The following RGPD3 variants were observed in gnomAD, a reference collection of about 807,000 sequenced individuals.
RGPD3 encodes the protein ranBP2-like and GRIP domain-containing protein 3.
RGPD3 carries 62 observed loss-of-function variants against 154.5 expected under a neutral mutation model. That is an observed-to-expected ratio of 0.40 (90% CI 0.33 to 0.50). RGPD3 has a LOEUF of 0.50. Among genes scored for constraint, RGPD3 ranks in the 20% least tolerant of loss-of-function variants. The pLI, the probability that RGPD3 is intolerant of heterozygous loss-of-function variation, is 0.59. For missense variants in RGPD3, 919 were observed against 1,716.8 expected (o/e 0.54, Z 8.21); for synonymous variants, 308 against 607.0 (o/e 0.51, Z 7.24).
intron 3 of RGPD3, 137 bp from the exon 4 acceptor site, chr2:106,457,260 C>G (rs536280633): frequency 1.4e-6 from 2 of 1,435,904 alleles, no homozygotes; most frequent in Non-Finnish European, 1.8e-6. Flanking sequence ...CTGGAGAAAA[C>G]ATATTACTTC....
At chr2:106,470,419 G>C (rs1678784826), upstream of RGPD3, among the ~76,000 whole-genome samples, 1 of 152,132 alleles carries the variant, frequency 6.6e-6, no homozygotes, top group Admixed American at 6.5e-5. Flanking sequence ...GTCTCTCAGA[G>C]ATGAGGCTTT....
intron 4 of RGPD3, among the ~76,000 whole-genome samples, chr2:106,455,151 G>A (rs1349207642): frequency 2.6e-5 from 4 of 152,300 alleles, no homozygotes; most frequent in African/African-American, 9.6e-5. Flanking sequence ...ATGGGCGACA[G>A]AGCAAGACTC....
At chr2:106,462,733 C>A (rs1678441829) in intron 1 of RGPD3, among the ~76,000 whole-genome samples, 1 of 151,990 alleles carries the variant, frequency 6.6e-6, no homozygotes, top group South Asian at 2.1e-4. Context: ...ACCCATCTTG[C>A]ACAGTCAAAT....
upstream of RGPD3, among the ~76,000 whole-genome samples, chr2:106,470,519 T>C (rs1678787387): frequency 5.3e-5 from 8 of 152,192 alleles, no homozygotes; most frequent in South Asian, 1.7e-3. Context: ...GTCATGAGTC[T>C]TTCTTAAATT....
rs575919688 is a variant in RGPD3 at position 106,415,887 on chromosome 2, A to G, written c.5027T>C (p.Ile1676Thr). The change falls in exon 21 of 23, where the codon ATA becomes ACA. Residue 1676 changes from isoleucine (I) to threonine (T), a missense_variant. By Grantham distance (89) the Ile-to-Thr change is moderately conservative. Transcript: ENST00000409886. ...ADHLNGLLRE[I>T]EATNAVLMEQ... ...CATAAGGACTGCATTGGTTGCCTCTATTTCCCGAAGCAGGCCGTTTAAGTG... is the reference window on the plus strand; with the variant it reads ...CATAAGGACTGCATTGGTTGCCTCTGTTTCCCGAAGCAGGCCGTTTAAGTG... 135 of 1,611,702 alleles carry G rather than the reference A, an allele frequency of 8.4e-5. 3 individuals are homozygous for G. In the South Asian group the frequency reaches 1.4e-3, roughly 17 times the overall value.
Position 106,449,746 on chromosome 2 carries a change from G to A in RGPD3, c.783-2133C>T, listed in dbSNP as rs1433771487. 2.6e-5 allele frequency among the ~76,000 whole-genome samples: 4 copies of A among 151,742 alleles called. No individual in the cohort carries two copies. In the East Asian group the frequency reaches 5.9e-4, roughly 22 times the overall value. On this transcript the variant is annotated intron_variant, in intron 6 of 22. Transcript: ENST00000409886. Reference sequence around the variant, plus strand: ...CAAGAGATCGAGACCAGCCGGGCGCGGTGGCTCATGCCTGTAATCCCAGCA... The same window carrying A: ...CAAGAGATCGAGACCAGCCGGGCGCAGTGGCTCATGCCTGTAATCCCAGCA...
chr2:106,461,766 A>T lies in RGPD3; in HGVS notation c.73-2434T>A, dbSNP rs1162696955. ...GAGACTTGTATGCTTAAATTACAAA[A>T]CGTTGCTCAATGCCAGGCTAACACC... is the stretch of plus-strand genomic sequence containing the variant. On this transcript the variant is annotated intron_variant, in intron 1 of 22. Coordinates refer to ENST00000409886, the MANE Select transcript of RGPD3 (RefSeq NM_001144013.2). 2.6e-5 allele frequency among the ~76,000 whole-genome samples: 4 copies of T among 151,968 alleles called. No individual in the cohort carries two copies. The East Asian group carries it at 7.8e-4, about 30-fold the overall frequency.
chr2:106,448,197 T>C (rs1677992829), intron 6 of RGPD3, among the ~76,000 whole-genome samples: 1 of 150,320 alleles, frequency 6.7e-6, no homozygotes, highest in Non-Finnish European at 1.5e-5. Context: ...AACCTCCACC[T>C]CCCAGGTTCA....
At chr2:106,467,917 C>G (rs542994012) in intron 1 of RGPD3, among the ~76,000 whole-genome samples, 1 of 136,502 alleles carries the variant, frequency 7.3e-6, no homozygotes, top group Non-Finnish European at 1.6e-5. Flanking sequence ...CAACAGAGCG[C>G]GCCAGGGAGC....
chr2:106,464,734 C>CT (rs556478300), intron 1 of RGPD3, among the ~76,000 whole-genome samples: 427 of 151,750 alleles, frequency 2.8e-3, no homozygotes, highest in African/African-American at 9.9e-3. Context: ...TTCTTTTTTT[C>CT]TTTTTTGGAG....
intron 18 of RGPD3, among the ~76,000 whole-genome samples, chr2:106,428,525 C>T (rs1046828242): frequency 2.1e-5 from 3 of 144,154 alleles, no homozygotes; most frequent in African/African-American, 7.7e-5. Flanking sequence ...TGACTTACGA[C>T]ATTTAATAAG....
chr2:106,437,468 C>A lies in RGPD3; in HGVS notation c.1277-614G>T, dbSNP rs74764502. Among the ~76,000 whole-genome samples the A allele has an allele frequency of 4.4e-4, 66 of 151,700 alleles. 2 individuals carry two copies. The highest frequency in any genetic ancestry group is 1.6e-3 in the African/African-American group (66 of 41,342). Reference sequence around the variant, plus strand: ...CGGAAGTTGCAGTGAGCCAAGATTGCGCCACTGCGCTCCAGCCTGGGTGAC... The same window carrying A: ...CGGAAGTTGCAGTGAGCCAAGATTGAGCCACTGCGCTCCAGCCTGGGTGAC... On this transcript the variant is annotated intron_variant, in intron 9 of 22. Transcript: ENST00000409886.
intron 1 of RGPD3, among the ~76,000 whole-genome samples, chr2:106,464,555 A>G (rs1183705727): frequency 7.3e-5 from 11 of 151,108 alleles, no homozygotes; most frequent in Middle Eastern, 3.4e-3. Flanking sequence ...GATGAGCAAC[A>G]CAGCAAGACC....
At chr2:106,440,397 G>A (rs1277724037) in intron 8 of RGPD3, among the ~76,000 whole-genome samples, 1 of 151,258 alleles carries the variant, frequency 6.6e-6, no homozygotes, top group Non-Finnish European at 1.5e-5. Flanking sequence ...AGGCACCCTC[G>A]GGATGCCCAG....
intron 7 of RGPD3, among the ~76,000 whole-genome samples, chr2:106,446,463 A>G (rs1022971209): frequency 6.9e-6 from 1 of 145,720 alleles, no homozygotes; most frequent in Admixed American, 6.9e-5. Flanking sequence ...CCAGCTACTC[A>G]GGAGGCTGAG....
chr2:106,467,083 C>G (rs1294106512), intron 1 of RGPD3, among the ~76,000 whole-genome samples: 17 of 117,472 alleles, frequency 1.4e-4, no homozygotes, highest in South Asian at 6.9e-4. Flanking sequence ...CCTGAGCCAT[C>G]GAGGCCGCCG....
At position 106,441,304 on chromosome 2, in the gene RGPD3, A is replaced by G. The variant is rs745629397; in HGVS notation, c.1055T>C (p.Leu352Pro). 81 of 1,540,044 alleles carry G rather than the reference A, an allele frequency of 5.3e-5. 1 individual carries two copies. In the African/African-American group the frequency reaches 1.0e-3, roughly 20 times the overall value. Residue 352 changes from leucine to proline, a missense_variant, in exon 8 of 23, where the codon CTG (leucine) becomes CCG (proline). Coordinates refer to ENST00000409886, the MANE Select transcript of RGPD3 (RefSeq NM_001144013.2). The part of the protein sequence containing the change: ...NLLEMMACDR[L>P]SQSGHMLLNL... ...AATATTACTATTACCTGATTGGCTC[A>G]GTCGGTCACAGGCCATCATTTCCAG...
intron 1 of RGPD3, among the ~76,000 whole-genome samples, chr2:106,467,885 G>A (rs1678683003): frequency 7.1e-6 from 1 of 141,372 alleles, no homozygotes; most frequent in South Asian, 2.2e-4. Context: ...GCCGCCGCAG[G>A]GCCAGGTCGA....
chr2:106,448,059 G>A (rs1190853919), intron 6 of RGPD3, among the ~76,000 whole-genome samples: 9 of 149,616 alleles, frequency 6.0e-5, no homozygotes, highest in African/African-American at 2.2e-4. Context: ...TATCAATACA[G>A]TAATTGCTCT....
Sources: gnomAD v4.1 joint callset for allele counts (sites outside exome capture counted in the v4.1 genomes callset) on GRCh38, gnomAD v4.1.1 for gene constraint, MANE v1.5 for transcripts, NCBI Gene and HGNC (gene_info 2026-07-23, HGNC 2026-07-21) for gene names.